Variants in MSH4 observed in about 807,000 individuals in gnomAD.
The protein encoded by MSH4 is mutS homolog 4.
In MSH4, 106 loss-of-function variants were observed where a neutral mutation model predicts 113.7. The ratio of observed to expected loss-of-function variants is 0.93; its 90% CI spans 0.80 to 1.10. The LOEUF is 1.10. Ranked by LOEUF, MSH4 falls within the 50% of genes least tolerant of loss-of-function variation. The probability of loss-of-function intolerance (pLI) is 0.00; values close to 1 mark genes in which losing one functional copy is unlikely to be tolerated. For synonymous variants in MSH4, 368 were observed against 380.2 expected (o/e 0.97, Z 0.37); for missense variants, 1,061 against 1,093.7 (o/e 0.97, Z 0.42).
intron 5 of MSH4, among the ~76,000 whole-genome samples, chr1:75,815,560 C>G (rs1023722542): frequency 6.6e-6 from 1 of 152,148 alleles, no homozygotes; most frequent in Admixed American, 6.6e-5. Flanking sequence ...CTAACAGATT[C>G]AGCATGAGAC....
intron 8 of MSH4, among the ~76,000 whole-genome samples, chr1:75,862,114 C>T (rs1439553650): frequency 6.6e-6 from 1 of 152,176 alleles, no homozygotes; most frequent in Non-Finnish European, 1.5e-5. Context: ...AAGGGGATCT[C>T]CTGGTCTGCC....
rs375376288 is a variant in MSH4 at position 75,881,310 on chromosome 1, A to G, written c.1846A>G (p.Thr616Ala). ...TCATTGCTTATATAAACTATCTGAC[A>G]CTGTGTCAATGCTGGATATGCTACT... ...HIHCLYKLSDTVSMLDMLLSF... is the reference protein window; with the variant it reads ...HIHCLYKLSDAVSMLDMLLSF... Residue 616 changes from threonine (T) to alanine (A), a missense_variant, in exon 14 of 20, where the codon ACT becomes GCT. By Grantham distance (58) the Thr-to-Ala change is moderately conservative. Coordinates refer to ENST00000263187, the MANE Select transcript of MSH4 (RefSeq NM_002440.4). 1.0e-4 allele frequency: 162 copies of G among 1,611,300 alleles called. No individual in the cohort carries two copies. In the South Asian group the frequency reaches 1.7e-3, roughly 17 times the overall value.
chr1:75,857,384 T>C (rs1479245321), intron 8 of MSH4, among the ~76,000 whole-genome samples: 1 of 152,200 alleles, frequency 6.6e-6, no homozygotes, highest in Non-Finnish European at 1.5e-5. Flanking sequence ...CCTGATGGTA[T>C]TGCCCAGGTT....
intron 19 of MSH4, among the ~76,000 whole-genome samples, chr1:75,908,900 C>A (rs1176523479): frequency 1.3e-5 from 2 of 152,162 alleles, no homozygotes; most frequent in Non-Finnish European, 2.9e-5. Flanking sequence ...GATACCTCAG[C>A]TGTGTGGAAA....
intron 19 of MSH4, 90 bp from the exon 20 acceptor site, chr1:75,912,606 G>A (rs1652809609): frequency 5.0e-6 from 4 of 800,308 alleles, no homozygotes; most frequent in Non-Finnish European, 7.1e-6. Flanking sequence ...TATGTCTATG[G>A]AAGGAGATAG....
At chr1:75,881,393 A>T (rs1193805514) in intron 14 of MSH4, 23 bp downstream of exon 14, 4 of 1,604,612 alleles carry the variant, frequency 2.5e-6, no homozygotes, top group Non-Finnish European at 3.4e-6. Flanking sequence ...CTTTGGAATA[A>T]ACATATTGCA....
chr1:75,878,085 T>G, intron 10 of MSH4, 64 bp from the exon 11 acceptor site: 1 of 1,239,464 alleles, frequency 8.1e-7, no homozygotes, highest in Non-Finnish European at 1.1e-6. Flanking sequence ...GTGATTCAAA[T>G]TATAAATTAA....
intron 19 of MSH4, among the ~76,000 whole-genome samples, chr1:75,901,021 T>A (rs2100590643): frequency 6.6e-6 from 1 of 152,220 alleles, no homozygotes; most frequent in East Asian, 1.9e-4. Context: ...TAATTGTGAT[T>A]TTTTTCTTTT....
intron 7 of MSH4, among the ~76,000 whole-genome samples, chr1:75,823,926 G>T (rs1294176901): frequency 6.6e-6 from 1 of 152,088 alleles, no homozygotes; most frequent in Admixed American, 6.6e-5. Flanking sequence ...AAATAGTGCT[G>T]CAGTAAACAT....
chr1:75,854,619 A>G (rs1442292659), intron 8 of MSH4, among the ~76,000 whole-genome samples: 2 of 151,838 alleles, frequency 1.3e-5, no homozygotes, highest in African/African-American at 2.4e-5. Context: ...CCCCACACCA[A>G]CGATGCTCTC....
At chr1:75,838,946 T>C (rs1265127742) in intron 7 of MSH4, among the ~76,000 whole-genome samples, 1 of 152,180 alleles carries the variant, frequency 6.6e-6, no homozygotes, top group East Asian at 1.9e-4. Flanking sequence ...TATTTTTCTT[T>C]TTGTAAATGC....
At chr1:75,823,962 A>G (rs1054356340) in intron 7 of MSH4, among the ~76,000 whole-genome samples, 1 of 152,002 alleles carries the variant, frequency 6.6e-6, no homozygotes, top group Non-Finnish European at 1.5e-5. Context: ...TTTATAGTAG[A>G]AAGATTTATA....
intron 17 of MSH4, 75 bp downstream of exon 17, chr1:75,890,899 A>G: frequency 8.0e-7 from 1 of 1,246,246 alleles, no homozygotes; most frequent in Non-Finnish European, 1.1e-6. Flanking sequence ...AATTTTATGG[A>G]CACCCACAAA....
intron 8 of MSH4, among the ~76,000 whole-genome samples, chr1:75,862,655 C>A (rs940433184): frequency 4.6e-5 from 7 of 152,044 alleles, no homozygotes; most frequent in Non-Finnish European, 7.4e-5. Context: ...ATTTTTTTAA[C>A]CATCTGAAAA....
rs1471945120 is a variant in MSH4, at chr1:75,815,010, C to T, written c.700-11C>T. ...TTCAAACTTTATTTTGAAATTAAAA[C>T]TTCTTTTCAGAATGTTAATTTCACT... is the stretch of plus-strand genomic sequence containing the variant. On this transcript the variant is annotated splice_polypyrimidine_tract_variant and intron_variant, in intron 4 of 19. Coordinates refer to ENST00000263187, the MANE Select transcript of MSH4 (RefSeq NM_002440.4). The T allele has an allele frequency of 6.6e-7, 1 of 1,514,358 alleles. No homozygotes were observed. The highest frequency in any genetic ancestry group is 9.1e-7 in the Non-Finnish European group (1 of 1,095,190). 93.8% of individuals were successfully genotyped at this position (1,514,358 alleles called of 1,614,324 possible). A position where few individuals can be genotyped will look rare whatever the true frequency, so the allele number is the denominator to read the frequency against.
At chr1:75,908,415 G>C (rs943587735) in intron 19 of MSH4, among the ~76,000 whole-genome samples, 1 of 152,088 alleles carries the variant, frequency 6.6e-6, no homozygotes, top group Non-Finnish European at 1.5e-5. Context: ...CAAAGTATTG[G>C]GATTACAGGC....
intron 19 of MSH4, among the ~76,000 whole-genome samples, chr1:75,908,000 G>A (rs1480804509): frequency 2.7e-5 from 4 of 150,354 alleles, no homozygotes; most frequent in African/African-American, 9.8e-5. Context: ...ATGAGCCACT[G>A]TGCCTGGCTA....
rs551052070 is a variant in MSH4, at chr1:75,869,369, C to T, written c.1305+1781C>T. Among the ~76,000 whole-genome samples the T allele has an allele frequency of 3.9e-5, 6 of 152,224 alleles. No individual in the cohort carries two copies. In the South Asian group the frequency reaches 1.2e-3, roughly 32 times the overall value. ...GAGGATACAGTAGAAAAGAAAATCC[C>T]ATTTTCTGGGGAGAAATTCAAACCA... On this transcript the variant is annotated intron_variant, in intron 9 of 19. Coordinates refer to ENST00000263187, the MANE Select transcript of MSH4 (RefSeq NM_002440.4).
chr1:75,822,445 T>C lies in MSH4; in HGVS notation c.1026T>C (p.Thr342=). The C allele has an allele frequency of 6.4e-7, 1 of 1,574,652 alleles. No individual in the cohort carries two copies. Among genetic ancestry groups the C allele is most frequent in the South Asian group, 1.2e-5 (1 of 84,046 alleles). The change falls in exon 7 of 20, where the codon ACT becomes ACC. Residue 342 remains threonine (T), a synonymous_variant. Transcript: ENST00000263187. ...CTCTCTTTGGTGTTCTAAATTATAC[T>C]AAGACTCCTGGAGGGAGTAGACGAC... ...NHTLFGVLNY[T]KTPGGSRRLR... is the part of the protein sequence containing the mutation.
Sources: gnomAD v4.1 joint callset for allele counts (sites outside exome capture counted in the v4.1 genomes callset) on GRCh38, gnomAD v4.1.1 for gene constraint, MANE v1.5 for transcripts, NCBI Gene and HGNC (gene_info 2026-07-23, HGNC 2026-07-21) for gene names.